Variants in ULK4 observed in about 807,000 individuals in gnomAD.
ULK4 encodes the protein inactive serine/threonine-protein kinase ULK4.
ULK4 carries 133 observed loss-of-function variants against 160.6 expected under a neutral mutation model. The ratio of observed to expected loss-of-function variants is 0.83; its 90% CI spans 0.72 to 0.96. The LOEUF is 0.96. ULK4 is among the 40% of genes least tolerant of loss of function. ULK4 has a pLI of 0.00. For synonymous variants in ULK4, 534 were observed against 539.8 expected, an observed-to-expected ratio of 0.99 and a Z score of 0.15; for missense variants, 1,580 against 1,499.5, an observed-to-expected ratio of 1.05 and a Z score of -0.89.
At chr3:41,800,049 A>C in intron 20 of ULK4, 83 bp downstream of exon 20, 1 of 1,263,698 alleles carries the variant, frequency 7.9e-7, no homozygotes, top group Non-Finnish European at 1.1e-6. Context: ...TATTAAATTA[A>C]ATTTATTCTT....
At chr3:41,370,773 C>T (rs149475980) in intron 35 of ULK4, among the ~76,000 whole-genome samples, 3 of 152,318 alleles carry the variant, frequency 2.0e-5, no homozygotes, top group African/African-American at 7.2e-5. Context: ...CCCAGTGGCG[C>T]CTGGAACGTC....
intron 1 of ULK4, among the ~76,000 whole-genome samples, chr3:41,960,080 C>G (rs896099421): frequency 6.6e-6 from 1 of 151,278 alleles, no homozygotes; most frequent in Admixed American, 6.6e-5. Flanking sequence ...GGTCTTGAAC[C>G]CCTGGGCTCA....
intron 22 of ULK4, among the ~76,000 whole-genome samples, chr3:41,724,595 C>T (rs968243610): frequency 3.9e-5 from 6 of 151,926 alleles, no homozygotes; most frequent in African/African-American, 7.2e-5. Context: ...TGGTGGCAGG[C>T]GCCTGTAGTC....
At chr3:41,942,968 C>G (rs1332178313) in intron 2 of ULK4, among the ~76,000 whole-genome samples, 3 of 152,104 alleles carry the variant, frequency 2.0e-5, no homozygotes, top group African/African-American at 7.2e-5. Context: ...AATCCCAGCA[C>G]TTTGGGAGGC....
chr3:41,541,843 C>T (rs2086706475), intron 32 of ULK4, among the ~76,000 whole-genome samples: 1 of 152,072 alleles, frequency 6.6e-6, no homozygotes, highest in Non-Finnish European at 1.5e-5. Flanking sequence ...TACAGGAACA[C>T]TTGTAATTTT....
rs766968934 is a variant in ULK4 at position 41,658,735 on chromosome 3, A to ACACACACACACACACTCTCT, written c.3071+4871_3071+4872insAGAGAGTGTGTGTGTGTGTG. On this transcript the variant is annotated intron_variant, in intron 30 of 36. Transcript: ENST00000301831. ...TGTGTATGTGAAAAACAGTACACAC[A>ACACACACACACACACTCTCT]CACACACACACACACACACACACAT... Among the ~76,000 whole-genome samples the ACACACACACACACACTCTCT allele has an allele frequency of 2.3e-5, 3 of 131,350 alleles. No homozygotes were observed. In the South Asian group the frequency reaches 7.9e-4, roughly 34 times the overall value. 86.2% of individuals were successfully genotyped at this position (131,350 alleles called of 152,430 possible).
intron 32 of ULK4, among the ~76,000 whole-genome samples, chr3:41,471,318 T>C (rs541372735): frequency 1.3e-5 from 2 of 152,268 alleles, no homozygotes; most frequent in South Asian, 2.1e-4. Flanking sequence ...TAAATATATA[T>C]GCACCCAACA....
intron 33 of ULK4, among the ~76,000 whole-genome samples, chr3:41,456,223 C>G (rs751390907): frequency 1.2e-4 from 18 of 152,146 alleles, no homozygotes; most frequent in Non-Finnish European, 2.4e-4. Context: ...AGTGCTTTAT[C>G]TTAACCATCC....
At chr3:41,439,128 C>G (rs964916588) in intron 34 of ULK4, among the ~76,000 whole-genome samples, 1 of 152,192 alleles carries the variant, frequency 6.6e-6, no homozygotes, top group African/African-American at 2.4e-5. Context: ...GCTTTTCCAG[C>G]TGTGGGCCTC....
chr3:41,721,255 A>ATTTTTTTTTTTTT (rs67078042), intron 22 of ULK4, among the ~76,000 whole-genome samples: 7 of 45,042 alleles, frequency 1.6e-4, no homozygotes, highest in Non-Finnish European at 2.1e-4. Context: ...TTCGCTTTGA[A>ATTTTTTTTTTTTT]TTTTTTTTTT....
Position 41,736,593 on chromosome 3 carries a change from C to T in ULK4, c.2321+17768G>A, listed in dbSNP as rs1455366308. On this transcript the variant is annotated intron_variant, in intron 22 of 36. Coordinates refer to ENST00000301831, the MANE Select transcript of ULK4 (RefSeq NM_017886.4). ...GTTCATTGTAGATTCTGGATATTAG[C>T]CCTTTGTCAGATGAGTAGGTTGCAA... 3.3e-5 allele frequency among the ~76,000 whole-genome samples: 5 copies of T among 151,726 alleles called. 1 individual carries two copies. Among genetic ancestry groups the T allele is most frequent in the African/African-American group, 9.7e-5 (4 of 41,068 alleles).
chr3:41,270,575 G>T (rs911622401), intron 35 of ULK4, among the ~76,000 whole-genome samples: 1 of 152,178 alleles, frequency 6.6e-6, no homozygotes, highest in Admixed American at 6.5e-5. Context: ...GATCCAAGGT[G>T]GCTTTAGAGG....
intron 14 of ULK4, among the ~76,000 whole-genome samples, chr3:41,897,891 A>G (rs1165225293): frequency 6.6e-6 from 1 of 152,234 alleles, no homozygotes; most frequent in Non-Finnish European, 1.5e-5. Context: ...TTGTTAAACG[A>G]AAAAACCAAT....
chr3:41,269,830 T>C (rs966742025), intron 35 of ULK4, among the ~76,000 whole-genome samples: 1 of 152,188 alleles, frequency 6.6e-6, no homozygotes, highest in Non-Finnish European at 1.5e-5. Flanking sequence ...TACTTGCACA[T>C]GACTAATTAA....
intron 17 of ULK4, among the ~76,000 whole-genome samples, chr3:41,865,922 G>C (rs1046064840): frequency 3.3e-5 from 5 of 151,618 alleles, no homozygotes; most frequent in Admixed American, 1.3e-4. Flanking sequence ...GAAAAAATTG[G>C]CAAGTTGGAC....
chr3:41,362,690 G>A (rs1171612472), intron 35 of ULK4, among the ~76,000 whole-genome samples: 2 of 152,140 alleles, frequency 1.3e-5, no homozygotes, highest in African/African-American at 4.8e-5. Flanking sequence ...GACCAGCCCA[G>A]AGACAGCAAA....
chr3:41,817,848 A>G (rs151124033), intron 19 of ULK4, among the ~76,000 whole-genome samples: 261 of 152,320 alleles, frequency 1.7e-3, no homozygotes, highest in Non-Finnish European at 2.4e-3. Flanking sequence ...CCCAATTTGA[A>G]AATGGACAAA....
At chr3:41,870,103 A>T (rs370633183) in intron 17 of ULK4, among the ~76,000 whole-genome samples, 4 of 152,196 alleles carry the variant, frequency 2.6e-5, no homozygotes, top group Non-Finnish European at 5.9e-5. Context: ...CATGGAATAT[A>T]TAGGATTTCT....
chr3:41,353,391 T>G (rs542113065), intron 35 of ULK4, among the ~76,000 whole-genome samples: 95 of 152,278 alleles, frequency 6.2e-4, no homozygotes, highest in Non-Finnish European at 1.1e-3. Flanking sequence ...TAAAGTAGGT[T>G]GGGTGTGGTG....
Sources: allele counts gnomAD v4.1 joint callset (sites outside exome capture counted in the v4.1 genomes callset), GRCh38; gene constraint gnomAD v4.1.1; transcripts MANE v1.5; gene names NCBI Gene and HGNC (gene_info 2026-07-23, HGNC 2026-07-21).